Variants in KCNMA1 observed in about 807,000 individuals in gnomAD.
KCNMA1 encodes the protein Calcium-activated potassium channel subunit alpha-1.
In KCNMA1, 29 loss-of-function variants were observed where a neutral mutation model predicts 140.0. The ratio of observed to expected loss-of-function variants is 0.21; its 90% CI spans 0.15 to 0.28. KCNMA1 has a LOEUF of 0.28. Among genes scored for constraint, KCNMA1 ranks in the 10% least tolerant of loss-of-function variants. The pLI, the probability that KCNMA1 is intolerant of heterozygous loss-of-function variation, is 1.00. For missense variants in KCNMA1, 880 were observed against 1,602.2 expected (o/e 0.55, Z 7.70); for synonymous variants, 612 against 611.9 (o/e 1.00, Z 0.00).
chr10:76,974,620 A>T, intron 19 of KCNMA1: 2 of 1,298,640 alleles, frequency 1.5e-6, no homozygotes, highest in Non-Finnish European at 2.2e-6. Flanking sequence ...ATCCATAGTG[A>T]AATTTCTTTT....
chr10:76,915,143 G>A, intron 23 of KCNMA1, 94 bp from the exon 24 acceptor site: 1 of 809,860 alleles, frequency 1.2e-6, no homozygotes, highest in African/African-American at 1.7e-5. Flanking sequence ...CCCCAAAAAT[G>A]TAGCTTATGC....
At chr10:77,209,178 C>A (rs892137360) in intron 3 of KCNMA1, among the ~76,000 whole-genome samples, 1 of 152,126 alleles carries the variant, frequency 6.6e-6, no homozygotes, top group Non-Finnish European at 1.5e-5. Flanking sequence ...CCTAGGGGAG[C>A]TATCACTGTT....
intron 19 of KCNMA1, among the ~76,000 whole-genome samples, chr10:76,997,874 T>C (rs1230738140): frequency 6.6e-6 from 1 of 152,230 alleles, no homozygotes; most frequent in African/African-American, 2.4e-5. Context: ...GATCATAAAA[T>C]GACACTCTAT....
At chr10:77,220,567 G>A (rs965943791) in intron 3 of KCNMA1, among the ~76,000 whole-genome samples, 7 of 152,278 alleles carry the variant, frequency 4.6e-5, no homozygotes, top group East Asian at 1.9e-4. Flanking sequence ...AATCTGGGTC[G>A]TTTTTGTGCA....
intron 3 of KCNMA1, among the ~76,000 whole-genome samples, chr10:77,248,621 C>G (rs77275995): frequency 6.6e-6 from 1 of 152,122 alleles, no homozygotes; most frequent in Non-Finnish European, 1.5e-5. Context: ...ATGTGTAAAA[C>G]TGGTAACAGT....
chr10:76,938,379 A>T (rs1448227542), intron 23 of KCNMA1, among the ~76,000 whole-genome samples: 2 of 152,164 alleles, frequency 1.3e-5, no homozygotes, highest in African/African-American at 4.8e-5. Flanking sequence ...GGAAACACAC[A>T]TCCATGCAGA....
At chr10:77,556,403 G>C (rs1295829002) in intron 1 of KCNMA1, among the ~76,000 whole-genome samples, 1 of 149,982 alleles carries the variant, frequency 6.7e-6, no homozygotes, top group Admixed American at 6.7e-5. Context: ...TACTCGGGAG[G>C]CTGAGGCAGG....
At chr10:77,156,227 TAAAAAAA>T (rs58950492) in intron 5 of KCNMA1, among the ~76,000 whole-genome samples, 10,550 of 120,404 alleles carry the variant, frequency 0.088, 545 homozygotes, top group South Asian at 0.13. Context: ...GACTCCATCT[TAAAAAAA>T]AAAAAAAAAA....
intron 1 of KCNMA1, among the ~76,000 whole-genome samples, chr10:77,565,270 G>T (rs2067828952): frequency 1.3e-5 from 2 of 152,200 alleles, no homozygotes; most frequent in Non-Finnish European, 2.9e-5. Flanking sequence ...TCCCGTTTTA[G>T]AGGACAACGC....
intron 18 of KCNMA1, among the ~76,000 whole-genome samples, chr10:77,002,731 AG>A (rs1277168072): frequency 6.6e-6 from 1 of 152,206 alleles, no homozygotes; most frequent in Non-Finnish European, 1.5e-5. Flanking sequence ...TTTCAGTACA[AG>A]AGAAGGTTTT....
chr10:77,582,779 G>A (rs765648192), intron 1 of KCNMA1, among the ~76,000 whole-genome samples: 1 of 152,244 alleles, frequency 6.6e-6, no homozygotes, highest in Non-Finnish European at 1.5e-5. Context: ...TGGTGGTGGA[G>A]GCCTTGGCAG....
intron 14 of KCNMA1, among the ~76,000 whole-genome samples, chr10:77,041,492 G>C (rs1056665812): frequency 6.6e-6 from 1 of 150,828 alleles, no homozygotes; most frequent in Non-Finnish European, 1.5e-5. Context: ...GTAGAGACAG[G>C]GTTTCACCAT....
intron 3 of KCNMA1, among the ~76,000 whole-genome samples, chr10:77,187,201 G>T (rs2098873831): frequency 6.6e-6 from 1 of 152,136 alleles, no homozygotes; most frequent in African/African-American, 2.4e-5. Flanking sequence ...TGGAATAGTT[G>T]GGGGAGAGAT....
intron 11 of KCNMA1, 49 bp downstream of exon 11, chr10:77,086,439 G>A: frequency 7.1e-7 from 1 of 1,399,164 alleles, no homozygotes; most frequent in Non-Finnish European, 1.0e-6. Flanking sequence ...ACTCCCCCCA[G>A]ACCCACACCA....
At chr10:76,948,237 C>T (rs532272991) in intron 22 of KCNMA1, among the ~76,000 whole-genome samples, 1 of 152,212 alleles carries the variant, frequency 6.6e-6, no homozygotes, top group African/African-American at 2.4e-5. Context: ...AACTCCTGAG[C>T]TTAAGTGGTC....
intron 1 of KCNMA1, among the ~76,000 whole-genome samples, chr10:77,515,632 C>T (rs2050124502): frequency 6.6e-6 from 1 of 152,238 alleles, no homozygotes. Context: ...GAATCAGGAA[C>T]TCTTTGGAAA....
chr10:77,180,532 C>G (rs2098794765), intron 5 of KCNMA1, among the ~76,000 whole-genome samples: 3 of 152,050 alleles, frequency 2.0e-5, no homozygotes, highest in African/African-American at 7.3e-5. Flanking sequence ...ATTTCATATC[C>G]CAAAAGGTTA....
At chr10:76,920,012 GTGTGTGTGTATATA>G (rs1195356780) in intron 23 of KCNMA1, among the ~76,000 whole-genome samples, 50 of 51,524 alleles carry the variant, frequency 9.7e-4, no homozygotes, top group African/African-American at 4.7e-3. Context: ...GTGTGTGTGT[GTGTGTGTGTATATA>G]TATATATATA....
At chr10:77,243,758 C>G (rs2057898916) in intron 3 of KCNMA1, among the ~76,000 whole-genome samples, 1 of 152,122 alleles carries the variant, frequency 6.6e-6, no homozygotes, top group African/African-American at 2.4e-5. Context: ...TGCGTTCAGC[C>G]CTGTGTTACC....
Sources: gnomAD v4.1 joint callset for allele counts (sites outside exome capture counted in the v4.1 genomes callset) on GRCh38, gnomAD v4.1.1 for gene constraint, MANE v1.5 for transcripts, NCBI Gene and HGNC (gene_info 2026-07-23, HGNC 2026-07-21) for gene names.